The following KCNAB2 variants were observed in gnomAD, a reference collection of about 807,000 sequenced individuals.
KCNAB2 encodes the protein potassium voltage-gated channel subfamily A regulatory beta subunit 2.
Under a neutral mutation model 63.6 loss-of-function variants are expected in KCNAB2, and 29 were observed. The observed-to-expected ratio is 0.46, with a 90% CI of 0.34 to 0.62. The LOEUF is 0.62. KCNAB2 is among the 20% of genes least tolerant of loss of function. KCNAB2 has a pLI of 0.01. For synonymous variants in KCNAB2, 222 were observed against 224.2 expected (o/e 0.99, Z 0.09); for missense variants, 359 against 563.9 (o/e 0.64, Z 3.68).
intron 4 of KCNAB2, among the ~76,000 whole-genome samples, chr1:6,079,222 C>CT (rs1236556336): frequency 6.6e-6 from 1 of 152,182 alleles, no homozygotes; most frequent in East Asian, 1.9e-4. Flanking sequence ...CTCTCCTTGC[C>CT]TGCCTGACAA....
chr1:5,998,690 G>A (rs900812367), intron 1 of KCNAB2, among the ~76,000 whole-genome samples: 2 of 152,178 alleles, frequency 1.3e-5, no homozygotes, highest in Admixed American at 6.5e-5. Context: ...TGCTGCCAAG[G>A]AGGCAGCCTC....
At chr1:6,066,164 C>T (rs977854852) in intron 2 of KCNAB2, among the ~76,000 whole-genome samples, 5 of 152,210 alleles carry the variant, frequency 3.3e-5, no homozygotes, top group East Asian at 3.8e-4. Context: ...CCTGGGCTCC[C>T]GAGGCCGCTT....
intron 1 of KCNAB2, chr1:6,018,781 A>G (rs548565684): frequency 1.3e-5 from 2 of 152,276 alleles, no homozygotes; most frequent in African/African-American, 2.4e-5. Context: ...CTGATGTTGG[A>G]TTTACCAGCC....
chr1:6,055,262 A>G (rs1253212674), intron 2 of KCNAB2, among the ~76,000 whole-genome samples: 1 of 152,118 alleles, frequency 6.6e-6, no homozygotes, highest in Non-Finnish European at 1.5e-5. Flanking sequence ...ATGCCTGAGC[A>G]GCCTCGGAGA....
chr1:6,038,909 G>T (rs1163401545), intron 1 of KCNAB2, among the ~76,000 whole-genome samples: 1 of 152,224 alleles, frequency 6.6e-6, no homozygotes. Context: ...TTGCCTGTGG[G>T]TGTGGGACCA....
At chr1:6,016,852 A>C (rs1658533243) in intron 1 of KCNAB2, among the ~76,000 whole-genome samples, 1 of 152,170 alleles carries the variant, frequency 6.6e-6, no homozygotes, top group South Asian at 2.1e-4. Flanking sequence ...GCAGAACACC[A>C]CTAATCACAC....
At chr1:6,034,813 A>G (rs1659904184) in intron 1 of KCNAB2, 1 of 152,212 alleles carries the variant, frequency 6.6e-6, no homozygotes, top group African/African-American at 2.4e-5. Flanking sequence ...CCACTCATTC[A>G]TTCACTCAAC....
At chr1:6,070,111 G>A (rs1456702678) in intron 2 of KCNAB2, among the ~76,000 whole-genome samples, 1 of 152,190 alleles carries the variant, frequency 6.6e-6, no homozygotes, top group African/African-American at 2.4e-5. Flanking sequence ...CAGAGGTGGG[G>A]GCCAGGCCTC....
chr1:6,009,030 C>G (rs1657990870), intron 1 of KCNAB2, among the ~76,000 whole-genome samples: 2 of 152,232 alleles, frequency 1.3e-5, no homozygotes, highest in African/African-American at 4.8e-5. Flanking sequence ...CCTGGGTGCA[C>G]TGCACCCCAC....
intron 1 of KCNAB2, among the ~76,000 whole-genome samples, chr1:6,021,340 A>T (rs898909601): frequency 6.6e-6 from 1 of 152,226 alleles, no homozygotes; most frequent in East Asian, 1.9e-4. Flanking sequence ...TGGCTTAAAC[A>T]CATACACCCA....
At chr1:6,097,388 G>A (rs1157127370) in intron 15 of KCNAB2, 31 bp downstream of exon 15, 1 of 1,549,518 alleles carries the variant, frequency 6.5e-7, no homozygotes, top group Non-Finnish European at 8.7e-7. Flanking sequence ...TGGGCAGAGG[G>A]CCCATCCCAG....
At chr1:6,079,016 T>A (rs949979005) in intron 4 of KCNAB2, among the ~76,000 whole-genome samples, 2 of 152,318 alleles carry the variant, frequency 1.3e-5, no homozygotes, top group Non-Finnish European at 1.5e-5. Flanking sequence ...GGTCAGATTC[T>A]GGACTAATTT....
upstream of KCNAB2, among the ~76,000 whole-genome samples, chr1:6,045,151 C>A (rs1387365321): frequency 1.3e-5 from 2 of 152,182 alleles, no homozygotes; most frequent in Non-Finnish European, 2.9e-5. The surrounding 1 kb of genome is among the most constrained non-coding windows in gnomAD (Gnocchi z 4.8). Context: ...TTCCACACTG[C>A]GACTGGGGCA....
At chr1:6,036,490 G>C (rs1660048782) in intron 1 of KCNAB2, among the ~76,000 whole-genome samples, 1 of 152,160 alleles carries the variant, frequency 6.6e-6, no homozygotes, top group African/African-American at 2.4e-5. Context: ...GTGACAGAGT[G>C]AGACTCTGTC....
intron 1 of KCNAB2, among the ~76,000 whole-genome samples, chr1:6,049,113 G>A (rs6685332): frequency 0.14 from 21,480 of 152,290 alleles, 1,714 homozygotes; most frequent in Middle Eastern, 0.23. Flanking sequence ...AAGAGAGGAC[G>A]ACCTGCAAAG....
At chr1:6,056,201 T>A (rs999410600) in intron 2 of KCNAB2, among the ~76,000 whole-genome samples, 7 of 151,958 alleles carry the variant, frequency 4.6e-5, no homozygotes, top group African/African-American at 7.3e-5. Context: ...CGAGCCACCA[T>A]GCCCGGCTAT....
chr1:6,067,009 G>A (rs1356347336), intron 2 of KCNAB2, among the ~76,000 whole-genome samples: 1 of 152,214 alleles, frequency 6.6e-6, no homozygotes, highest in East Asian at 1.9e-4. Flanking sequence ...CCCTGCCGGG[G>A]CCTTTCTCCA....
intron 2 of KCNAB2, among the ~76,000 whole-genome samples, chr1:6,052,951 A>G (rs898402011): frequency 2.0e-5 from 3 of 152,122 alleles, no homozygotes; most frequent in Non-Finnish European, 4.4e-5. Context: ...GACAGACCCT[A>G]GGGATCATCT....
At chr1:6,065,880 G>A (rs960583568) in intron 2 of KCNAB2, among the ~76,000 whole-genome samples, 1 of 152,214 alleles carries the variant, frequency 6.6e-6, no homozygotes, top group African/African-American at 2.4e-5. Flanking sequence ...CTCCCTCAGA[G>A]CTGTGCAGCC....
Sources: allele counts gnomAD v4.1 joint callset (sites outside exome capture counted in the v4.1 genomes callset), GRCh38; gene constraint gnomAD v4.1.1; non-coding constraint Gnocchi (gnomAD v3.1); transcripts MANE v1.5; gene names NCBI Gene and HGNC (gene_info 2026-07-23, HGNC 2026-07-21).